Variants in MFSD1 observed in about 807,000 individuals in gnomAD.
MFSD1 encodes lysosomal dipeptide transporter MFSD1.
MFSD1 carries 59 observed loss-of-function variants against 67.1 expected under a neutral mutation model. The ratio of observed to expected loss-of-function variants is 0.88; its 90% CI spans 0.71 to 1.09. The LOEUF is 1.09. Ranked by LOEUF, MFSD1 falls within the 50% of genes least tolerant of loss-of-function variation. The pLI is 0.00. For missense variants in MFSD1, 552 were observed against 566.1 expected (o/e 0.97, Z 0.25); for synonymous variants, 213 against 200.3 (o/e 1.06, Z -0.54).
In MFSD1 at chr3:158,829,689, A is replaced by G. The variant is rs982520896; in HGVS notation, c.*707A>G. On this transcript the variant is annotated 3_prime_UTR_variant, in exon 16 of 16. Coordinates refer to ENST00000415822, the MANE Select transcript of MFSD1 (RefSeq NM_022736.4). ...CAAATTATGATAATTGCCTATGTAC[A>G]TGGATAAATTAAAACACTGCACACG... The G allele has an allele frequency of 6.6e-6, 1 of 152,236 alleles. No individual in the cohort carries two copies. The highest frequency in any genetic ancestry group is 1.5e-5 in the Non-Finnish European group (1 of 68,026). 9.4% of individuals were successfully genotyped at this position (152,236 alleles called of 1,614,324 possible).
chr3:158,828,632 A>T (rs1366107524), intron 15 of MFSD1, among the ~76,000 whole-genome samples: 1 of 152,130 alleles, frequency 6.6e-6, no homozygotes, highest in African/African-American at 2.4e-5. Context: ...CAAAAGATAA[A>T]AATGCAAATA....
At chr3:158,804,676 C>T (rs1559914191) in intron 2 of MFSD1, among the ~76,000 whole-genome samples, 1 of 152,198 alleles carries the variant, frequency 6.6e-6, no homozygotes, top group Non-Finnish European at 1.5e-5. Flanking sequence ...TCTCCCAGTG[C>T]TTAGTCACCC....
intron 12 of MFSD1, 130 bp downstream of exon 12, chr3:158,823,655 A>G (rs1730796359): frequency 1.4e-6 from 1 of 733,962 alleles, no homozygotes; most frequent in Non-Finnish European, 2.4e-6. Flanking sequence ...AGATAACTGG[A>G]AAAGTCAGTA....
intron 2 of MFSD1, 81 bp from the exon 3 acceptor site, chr3:158,805,281 C>T (rs558765396): frequency 1.8e-6 from 2 of 1,139,546 alleles, no homozygotes; most frequent in African/African-American, 1.5e-5. Flanking sequence ...CTACTTTCCA[C>T]TTTAGATTGT....
At position 158,802,526 on chromosome 3, in the gene MFSD1, G is replaced by GGACT. The variant is rs1412993310; in HGVS notation, c.163+214_163+217dup. ...CCGCGTCCGGAACGTGGAGGTCGAG[G>GGACT]GACTGAGCTGGGCGAGTTTTGTGGC... On this transcript the variant is annotated intron_variant, in intron 1 of 15. Coordinates refer to ENST00000415822, the MANE Select transcript of MFSD1 (RefSeq NM_022736.4). 4.1e-6 allele frequency: 3 copies of GGACT among 728,080 alleles called. No homozygotes were observed. In the African/African-American group the frequency reaches 5.2e-5, roughly 13 times the overall value. The allele number at this position is 728,080 out of a possible 1,614,324, so 45.1% of individuals were successfully genotyped here.
intron 12 of MFSD1, among the ~76,000 whole-genome samples, chr3:158,823,850 T>G (rs1457315163): frequency 1.3e-5 from 2 of 152,136 alleles, no homozygotes; most frequent in Non-Finnish European, 2.9e-5. Flanking sequence ...CACCTGTGGT[T>G]GATATTCACA....
At chr3:158,826,262 T>A (rs1194484115) in intron 14 of MFSD1, among the ~76,000 whole-genome samples, 200 bp downstream of exon 14, 3 of 152,196 alleles carry the variant, frequency 2.0e-5, no homozygotes, top group African/African-American at 4.8e-5. Context: ...TGTCATTTTT[T>A]AAAATCTAGC....
At chr3:158,827,233 A>AT in intron 14 of MFSD1, 47 bp from the exon 15 acceptor site, 1 of 1,206,526 alleles carries the variant, frequency 8.3e-7, no homozygotes, top group Non-Finnish European at 1.2e-6. Context: ...AAATTTACTT[A>AT]CTGATAATAC....
chr3:158,828,708 T>C (rs1231415666), intron 15 of MFSD1, among the ~76,000 whole-genome samples: 1 of 152,204 alleles, frequency 6.6e-6, no homozygotes, highest in Non-Finnish European at 1.5e-5. Context: ...CAATTACTTA[T>C]GTATAATAGA....
intron 7 of MFSD1, among the ~76,000 whole-genome samples, chr3:158,814,297 T>G (rs1730200201): frequency 6.6e-6 from 1 of 152,174 alleles, no homozygotes; most frequent in African/African-American, 2.4e-5. Context: ...ATGGATAGCC[T>G]TATTCCTTGT....
intron 7 of MFSD1, among the ~76,000 whole-genome samples, chr3:158,818,708 A>AT (rs570147471): frequency 2.0e-5 from 3 of 152,182 alleles, no homozygotes; most frequent in Non-Finnish European, 4.4e-5. Context: ...AGGCAAGCAT[A>AT]TTTAAAGATT....
chr3:158,807,291 T>A, intron 4 of MFSD1, 105 bp from the exon 5 acceptor site: 1 of 1,007,952 alleles, frequency 9.9e-7, no homozygotes, highest in Non-Finnish European at 1.5e-6. Flanking sequence ...TAAGGAGAAA[T>A]ATTAAAACTA....
chr3:158,811,335 G>GT, intron 6 of MFSD1, among the ~76,000 whole-genome samples: 1 of 152,294 alleles, frequency 6.6e-6, no homozygotes, highest in East Asian at 1.9e-4. Flanking sequence ...GTCGTGTTAG[G>GT]TTAGACATGC....
intron 6 of MFSD1, among the ~76,000 whole-genome samples, chr3:158,812,353 A>G (rs1000913160): frequency 6.6e-5 from 10 of 152,332 alleles, no homozygotes; most frequent in African/African-American, 2.4e-4. Flanking sequence ...TCATAAAATC[A>G]TCTTACATGG....
At chr3:158,808,968 T>C in intron 5 of MFSD1, 1 of 439,728 alleles carries the variant, frequency 2.3e-6, no homozygotes, top group Non-Finnish European at 4.1e-6. Flanking sequence ...TGATGTCACC[T>C]TTTATAACTG....
chr3:158,824,515 T>A (rs1358152493), intron 13 of MFSD1: 17 of 326,442 alleles, frequency 5.2e-5, no homozygotes, highest in Non-Finnish European at 2.8e-5. Context: ...TGAAGAGTCC[T>A]GAGTATATCC....
intron 6 of MFSD1, among the ~76,000 whole-genome samples, chr3:158,811,942 A>ATAACTATTTAAAATCTCTTT (rs1730044597): frequency 6.6e-6 from 1 of 152,244 alleles, no homozygotes; most frequent in African/African-American, 2.4e-5. Flanking sequence ...TACCTATTAA[A>ATAACTATTTAAAATCTCTTT]TAACTATTTA....
rs1731181837 is a variant in MFSD1, at chr3:158,829,128, G to T, written c.*146G>T. ...TATCCAAATATACCTATTTCAAAGT[G>T]TATTTGTGAGGCCTGTTTTAGCCTG... On this transcript the variant is annotated 3_prime_UTR_variant, in exon 16 of 16. Transcript: ENST00000415822. 5 of 610,250 alleles carry T rather than the reference G, an allele frequency of 8.2e-6. No individual in the cohort carries two copies. In the East Asian group the frequency reaches 1.6e-4, roughly 20 times the overall value. 37.8% of individuals were successfully genotyped at this position (610,250 alleles called of 1,614,324 possible).
chr3:158,809,323 A>G, intron 6 of MFSD1, 36 bp downstream of exon 6: 1 of 1,317,704 alleles, frequency 7.6e-7, no homozygotes, highest in Non-Finnish European at 1.1e-6. Flanking sequence ...AGCCAAATGG[A>G]AGCAAAAGAT....
Sources: allele counts gnomAD v4.1 joint callset (sites outside exome capture counted in the v4.1 genomes callset), GRCh38; gene constraint gnomAD v4.1.1; transcripts MANE v1.5; gene names NCBI Gene and HGNC (gene_info 2026-07-23, HGNC 2026-07-21).